The following MAPK9 variants were observed in gnomAD, a reference collection of about 807,000 sequenced individuals.
The protein encoded by MAPK9 is mitogen-activated protein kinase 9.
In MAPK9, 30 loss-of-function variants were observed where a neutral mutation model predicts 57.1. The ratio of observed to expected loss-of-function variants is 0.53; its 90% confidence interval spans 0.39 to 0.71. MAPK9 has a LOEUF of 0.71. MAPK9 is among the 30% of genes least tolerant of loss of function. The pLI is 0.00. For synonymous variants in MAPK9, 155 were observed against 177.0 expected (o/e 0.88, Z 0.99); for missense variants, 362 against 521.0 (o/e 0.69, Z 2.97).
intron 2 of MAPK9, chr5:180,279,839 T>C (rs1173712739): frequency 2.2e-6 from 1 of 456,574 alleles, no homozygotes; most frequent in East Asian, 6.9e-5. Context: ...CGTCTTACCA[T>C]GCAAGAGACT....
chr5:180,263,754 G>A (rs1251965435), intron 4 of MAPK9, among the ~76,000 whole-genome samples: 3 of 141,526 alleles, frequency 2.1e-5, no homozygotes. Context: ...CGCCCTGGCT[G>A]GAGTGCAGTG....
At chr5:180,267,886 G>A (rs538341454) in intron 3 of MAPK9, among the ~76,000 whole-genome samples, 61 of 151,876 alleles carry the variant, frequency 4.0e-4, no homozygotes, top group Non-Finnish European at 5.3e-4. Flanking sequence ...ATTTTGAGAC[G>A]GAGTCTCGCT....
At chr5:180,291,644 G>A (rs2127639784) in intron 1 of MAPK9, among the ~76,000 whole-genome samples, 1 of 151,984 alleles carries the variant, frequency 6.6e-6, no homozygotes, top group East Asian at 1.9e-4. Context: ...CCGGTGAGCA[G>A]GCCCGCAGCC....
chr5:180,266,514 C>T (rs1368660278), intron 3 of MAPK9, among the ~76,000 whole-genome samples: 1 of 151,876 alleles, frequency 6.6e-6, no homozygotes, highest in Non-Finnish European at 1.5e-5. Flanking sequence ...GGGGTTTCAC[C>T]ACGCTGGCCA....
At chr5:180,282,043 G>A (rs536526255) in intron 1 of MAPK9, among the ~76,000 whole-genome samples, 1 of 152,324 alleles carries the variant, frequency 6.6e-6, no homozygotes, top group South Asian at 2.1e-4. Context: ...GAGCTCTCCA[G>A]GCTGGCAGGT....
intron 4 of MAPK9, among the ~76,000 whole-genome samples, 166 bp downstream of exon 4, chr5:180,264,615 A>G (rs1196440586): frequency 6.6e-6 from 1 of 152,250 alleles, no homozygotes; most frequent in Non-Finnish European, 1.5e-5. Context: ...ATAATTAAAT[A>G]TAACTATCAA....
chr5:180,250,043 A>G (rs1159110133), intron 5 of MAPK9, among the ~76,000 whole-genome samples: 2 of 152,130 alleles, frequency 1.3e-5, no homozygotes, highest in Non-Finnish European at 2.9e-5. Context: ...CCTTCGCCAC[A>G]AAGACACGCC....
chr5:180,276,787 G>A, intron 2 of MAPK9, among the ~76,000 whole-genome samples: 1 of 152,338 alleles, frequency 6.6e-6, no homozygotes, highest in East Asian at 1.9e-4. Context: ...CCGCGAGGCG[G>A]AGGTTGCGGT....
intron 5 of MAPK9, among the ~76,000 whole-genome samples, chr5:180,259,450 A>C (rs1290574608): frequency 2.1e-4 from 32 of 151,956 alleles, no homozygotes; most frequent in Non-Finnish European, 1.5e-4. Context: ...ACTGGAGAGA[A>C]ACCCTTTGAC....
Position 180,234,968 on chromosome 5 carries a change from A to G in MAPK9, c.*1416T>C, listed in dbSNP as rs968367693. 1 of 152,224 alleles carries G rather than the reference A, an allele frequency of 6.6e-6. No homozygotes were observed. The highest frequency in any genetic ancestry group is 2.4e-5 in the African/African-American group (1 of 41,450). The allele number at this position is 152,224 out of a possible 1,614,324, so 9.4% of individuals were successfully genotyped here. A position where few individuals can be genotyped will look rare whatever the true frequency, so the allele number is the denominator to read the frequency against. On this transcript the variant is annotated 3_prime_UTR_variant, in exon 12 of 12. Transcript: ENST00000452135. The stretch of plus-strand genomic sequence containing the variant: ...AATAATTGAACACAAGATATGAATC[A>G]GCAACAGAATAAGCTCAAGGGAAGA...
intron 4 of MAPK9, among the ~76,000 whole-genome samples, chr5:180,262,439 T>C (rs534986619): frequency 7.2e-5 from 11 of 152,160 alleles, no homozygotes; most frequent in African/African-American, 2.6e-4. Flanking sequence ...ATTTTTTAAA[T>C]TTTTTTGAGA....
intron 4 of MAPK9, 50 bp downstream of exon 4, chr5:180,264,731 A>G (rs1225983330): frequency 6.8e-7 from 1 of 1,478,980 alleles, no homozygotes; most frequent in South Asian, 1.4e-5. Context: ...TCTTTTCTAG[A>G]TGTTCATTCT....
At chr5:180,239,875 G>T in intron 10 of MAPK9, 49 bp downstream of exon 10, 2 of 1,554,518 alleles carry the variant, frequency 1.3e-6, no homozygotes, top group Non-Finnish European at 1.8e-6. Flanking sequence ...TGCTCTACAG[G>T]ATTGGAAGAA....
At chr5:180,238,484 A>G (rs1259749928) in intron 10 of MAPK9, 81 bp from the exon 11 acceptor site, 7 of 1,032,910 alleles carry the variant, frequency 6.8e-6, no homozygotes, top group African/African-American at 1.6e-5. Context: ...TTCCAAATCA[A>G]CTGGAACAAA....
intron 5 of MAPK9, among the ~76,000 whole-genome samples, chr5:180,253,110 GAGCCGTC>G (rs1177600802): frequency 6.6e-6 from 1 of 152,234 alleles, no homozygotes; most frequent in African/African-American, 2.4e-5. Flanking sequence ...ACCTCCCACA[GAGCCGTC>G]AGCCAGGGGC....
At chr5:180,272,932 CAG>C (rs1761477140) in intron 2 of MAPK9, among the ~76,000 whole-genome samples, 2 of 152,046 alleles carry the variant, frequency 1.3e-5, no homozygotes, top group African/African-American at 2.4e-5. Flanking sequence ...CAAATTTGTA[CAG>C]CTGCCAGCAG....
chr5:180,239,634 A>G lies in MAPK9; in HGVS notation c.1060+290T>C, dbSNP rs73340737. On this transcript the variant is annotated intron_variant, in intron 10 of 11. Transcript: ENST00000452135. Reference sequence around the variant, plus strand: ...ATGGCTTAAAAACATATCAATCAATATAAGTATGATACAATTACTAAGCTC... The same window carrying G: ...ATGGCTTAAAAACATATCAATCAATGTAAGTATGATACAATTACTAAGCTC... 1.8e-3 allele frequency among the ~76,000 whole-genome samples: 271 copies of G among 152,362 alleles called. 1 individual carries two copies. Among genetic ancestry groups the G allele is most frequent in the African/African-American group, 6.3e-3 (264 of 41,578 alleles).
At chr5:180,250,442 C>T (rs1758555575) in intron 5 of MAPK9, among the ~76,000 whole-genome samples, 1 of 152,126 alleles carries the variant, frequency 6.6e-6, no homozygotes, top group South Asian at 2.1e-4. Context: ...AGTGCACCTG[C>T]AATGTCAAAC....
intron 7 of MAPK9, chr5:180,246,209 ACTTTTCCCT>A (rs1468428186): frequency 1.8e-4 from 27 of 152,342 alleles, no homozygotes; most frequent in South Asian, 6.2e-4. Context: ...TAATTTTTCA[ACTTTTCCCT>A]TTTTAATTAA....
Sources: gnomAD v4.1 joint callset for allele counts (sites outside exome capture counted in the v4.1 genomes callset) on GRCh38, gnomAD v4.1.1 for gene constraint, MANE v1.5 for transcripts, NCBI Gene and HGNC (gene_info 2026-07-23, HGNC 2026-07-21) for gene names.